HGSNAT: variants seen among roughly 807,000 people sequenced by gnomAD.
HGSNAT encodes the protein heparan-alpha-glucosaminide N-acetyltransferase.
HGSNAT carries 59 observed loss-of-function variants against 85.2 expected under a neutral mutation model. The ratio of observed to expected loss-of-function variants is 0.69; its 90% CI spans 0.56 to 0.86. HGSNAT has a LOEUF of 0.86. Ranked by LOEUF, HGSNAT falls within the 40% of genes least tolerant of loss-of-function variation. The probability of loss-of-function intolerance (pLI) is 0.00; values close to 1 mark genes in which losing one functional copy is unlikely to be tolerated. For missense variants in HGSNAT, 756 were observed against 777.1 expected (o/e 0.97, Z 0.32); for synonymous variants, 321 against 304.5 (o/e 1.05, Z -0.56).
chr8:43,161,278 G>A (rs1011207997), intron 4 of HGSNAT, among the ~76,000 whole-genome samples, 160 bp from the exon 5 acceptor site: 5 of 152,244 alleles, frequency 3.3e-5, no homozygotes, highest in African/African-American at 1.2e-4. Flanking sequence ...TTTTTATAAT[G>A]ACAATTATCA....
intron 1 of HGSNAT, among the ~76,000 whole-genome samples, chr8:43,141,051 C>T (rs934229293): frequency 6.6e-6 from 1 of 152,212 alleles, no homozygotes; most frequent in South Asian, 2.1e-4. Flanking sequence ...AGGGTCCCTT[C>T]CCTGAGGGCC....
chr8:43,182,318 TGTGGTGATACG>T, intron 11 of HGSNAT, 58 bp downstream of exon 11: 2 of 1,308,444 alleles, frequency 1.5e-6, no homozygotes, highest in Non-Finnish European at 2.2e-6. Context: ...AAATGTATTG[TGTGGTGATACG>T]GTCTCACTAT....
At position 43,197,745 on chromosome 8, in the gene HGSNAT, A is replaced by T; in HGVS notation, c.1613+3A>T. The T allele has an allele frequency of 1.2e-6, 2 of 1,611,242 alleles. No individual in the cohort carries two copies. The highest frequency in any genetic ancestry group is 2.2e-5 in the East Asian group (1 of 44,874). ...ATTCCAGTAAACAAAAATCTCTGGT[A>T]TGTATGGAAAAAGCATGATTTTATG... On this transcript the variant is annotated splice_donor_region_variant and intron_variant, in intron 16 of 17. Transcript: ENST00000379644.
At chr8:43,193,526 C>A (rs1586753279) in intron 13 of HGSNAT, among the ~76,000 whole-genome samples, 2 of 152,180 alleles carry the variant, frequency 1.3e-5, no homozygotes, top group Admixed American at 6.5e-5. Context: ...GGCTGCTGGA[C>A]TGTGACTTGT....
Position 43,158,228 on chromosome 8 carries a change from A to G in HGSNAT, c.235-347A>G, listed in dbSNP as rs372165342. Reference sequence around the variant, plus strand: ...ATTCTCCTGCCTCAGCCTCCCAAGTAGCTGGGATTACAGGCATGTGCCACC... The same window carrying G: ...ATTCTCCTGCCTCAGCCTCCCAAGTGGCTGGGATTACAGGCATGTGCCACC... On this transcript the variant is annotated intron_variant, in intron 2 of 17. Coordinates refer to ENST00000379644, the MANE Select transcript of HGSNAT (RefSeq NM_152419.3). 3.6e-4 allele frequency among the ~76,000 whole-genome samples: 55 copies of G among 152,256 alleles called. 2 individuals are homozygous for G. The East Asian group carries it at 7.5e-3, about 21-fold the overall frequency.
At chr8:43,144,706 T>A (rs1471034044) in intron 1 of HGSNAT, among the ~76,000 whole-genome samples, 1 of 151,858 alleles carries the variant, frequency 6.6e-6, no homozygotes, top group Non-Finnish European at 1.5e-5. Context: ...CTATAGTGGA[T>A]TATTATTATT....
At chr8:43,145,370 A>C (rs1031088331) in intron 1 of HGSNAT, among the ~76,000 whole-genome samples, 1 of 152,190 alleles carries the variant, frequency 6.6e-6, no homozygotes, top group Admixed American at 6.5e-5. Flanking sequence ...TCACCAAGGA[A>C]AAGCCAGCTC....
chr8:43,164,116 A>G (rs915493085), intron 5 of HGSNAT, among the ~76,000 whole-genome samples: 4 of 152,212 alleles, frequency 2.6e-5, no homozygotes, highest in African/African-American at 9.6e-5. Flanking sequence ...TCCATTAGAG[A>G]TACATACTAA....
chr8:43,179,365 G>T (rs1803947965), intron 10 of HGSNAT, among the ~76,000 whole-genome samples: 7 of 141,312 alleles, frequency 5.0e-5, no homozygotes, highest in Admixed American at 4.7e-4. Context: ...CTGGGCGGGG[G>T]GCTGTCCCCC....
chr8:43,199,098 A>G (rs1308226366), intron 17 of HGSNAT, among the ~76,000 whole-genome samples: 1 of 152,058 alleles, frequency 6.6e-6, no homozygotes. Context: ...ACGGGGTTTC[A>G]TCACGTTGGC....
intron 5 of HGSNAT, among the ~76,000 whole-genome samples, chr8:43,166,578 T>A (rs1390012166): frequency 6.6e-6 from 1 of 152,210 alleles, no homozygotes; most frequent in East Asian, 1.9e-4. Context: ...TGTCGAGACC[T>A]ACTGTTCAGA....
In HGSNAT at chr8:43,176,248, G is replaced by C. The variant is rs148906449; in HGVS notation, c.852-1826G>C. 4.4e-3 allele frequency among the ~76,000 whole-genome samples: 668 copies of C among 152,202 alleles called. 8 individuals are homozygous for C. The highest frequency in any genetic ancestry group is 0.015 in the African/African-American group (639 of 41,526). On this transcript the variant is annotated intron_variant, in intron 9 of 17. Transcript: ENST00000379644. ...AATATGATGAGAGATAGGGGTCTAG[G>C]TTCATTCTTCTGCATATGAATATCC...
intron 5 of HGSNAT, among the ~76,000 whole-genome samples, chr8:43,164,155 C>T (rs1803355822): frequency 6.6e-6 from 1 of 152,130 alleles, no homozygotes; most frequent in African/African-American, 2.4e-5. Context: ...GATATGATGT[C>T]TAGGATTTTC....
At position 43,199,593 on chromosome 8, in the gene HGSNAT, T is replaced by C. The variant is rs1186250438; in HGVS notation, c.*24T>C. On this transcript the variant is annotated 3_prime_UTR_variant, in exon 18 of 18. Coordinates refer to ENST00000379644, the MANE Select transcript of HGSNAT (RefSeq NM_152419.3). Reference sequence around the variant, plus strand: ...GATGGCTCCCACTGAGATGTGCTGCTGGAAGACTCTAGTAGGCCTGCAGGG... The same window carrying C: ...GATGGCTCCCACTGAGATGTGCTGCCGGAAGACTCTAGTAGGCCTGCAGGG... 6.7e-7 allele frequency: 1 copy of C among 1,503,420 alleles called. No individual in the cohort carries two copies. 93.1% of individuals were successfully genotyped at this position (1,503,420 alleles called of 1,614,324 possible). A position where few individuals can be genotyped will look rare whatever the true frequency, so the allele number is the denominator to read the frequency against.
intron 2 of HGSNAT, among the ~76,000 whole-genome samples, chr8:43,153,426 C>T (rs1455420619): frequency 6.6e-6 from 1 of 151,978 alleles, no homozygotes; most frequent in African/African-American, 2.4e-5. Flanking sequence ...CTGCTGAGCT[C>T]AAGTGATCCG....
chr8:43,184,830 G>A (rs1804251760), intron 11 of HGSNAT, among the ~76,000 whole-genome samples: 1 of 152,158 alleles, frequency 6.6e-6, no homozygotes, highest in African/African-American at 2.4e-5. Context: ...GTAAGGAAGC[G>A]ATTCAGTTTC....
intron 2 of HGSNAT, among the ~76,000 whole-genome samples, chr8:43,150,720 G>A (rs1037358926): frequency 1.3e-5 from 2 of 152,014 alleles, no homozygotes; most frequent in African/African-American, 2.4e-5. Context: ...TGTAGTCCCA[G>A]CTACTCGGGA....
intron 1 of HGSNAT, 104 bp downstream of exon 1, chr8:43,140,718 G>T: frequency 2.4e-6 from 1 of 424,856 alleles, no homozygotes; most frequent in Non-Finnish European, 3.4e-6. Context: ...GCTAGGCCGG[G>T]CCGGAACCGC....
At chr8:43,199,210 T>C (rs886302995) in intron 17 of HGSNAT, among the ~76,000 whole-genome samples, 178 bp from the exon 18 acceptor site, 7 of 152,228 alleles carry the variant, frequency 4.6e-5, no homozygotes, top group African/African-American at 1.7e-4. Flanking sequence ...CTTTCAATAA[T>C]TTTTGATATG....
Sources: gnomAD v4.1 joint callset for allele counts (sites outside exome capture counted in the v4.1 genomes callset) on GRCh38, gnomAD v4.1.1 for gene constraint, MANE v1.5 for transcripts, NCBI Gene and HGNC (gene_info 2026-07-23, HGNC 2026-07-21) for gene names.